Variants in USP10 observed in about 807,000 individuals in gnomAD.
The protein encoded by USP10 is ubiquitin specific peptidase 10.
Under a neutral mutation model 84.5 loss-of-function variants are expected in USP10, and 22 were observed. The ratio of observed to expected loss-of-function variants is 0.26; its 90% CI spans 0.19 to 0.37. The LOEUF (loss-of-function observed/expected upper bound fraction) is 0.37. USP10 is among the 10% of genes least tolerant of loss of function. The probability of loss-of-function intolerance (pLI) is 1.00; values close to 1 mark genes in which losing one functional copy is unlikely to be tolerated. For missense variants in USP10, 1,019 were observed against 998.9 expected, an observed-to-expected ratio of 1.02 and a Z score of -0.27; for synonymous variants, 454 against 387.6, an observed-to-expected ratio of 1.17 and a Z score of -2.01.
chr16:84,725,879 T>G (rs890248116), intron 1 of USP10, among the ~76,000 whole-genome samples: 5 of 152,206 alleles, frequency 3.3e-5, no homozygotes, highest in African/African-American at 1.2e-4. Context: ...TTCCCCAAAT[T>G]GAGCTTATTT....
intron 4 of USP10, among the ~76,000 whole-genome samples, chr16:84,757,366 A>C (rs1002774396): frequency 6.7e-6 from 1 of 148,262 alleles, no homozygotes; most frequent in African/African-American, 2.5e-5. Context: ...GGAAGAGGAC[A>C]TTTATTCATA....
chr16:84,708,227 A>G (rs369053957), intron 1 of USP10, among the ~76,000 whole-genome samples: 1 of 152,186 alleles, frequency 6.6e-6, no homozygotes, highest in Non-Finnish European at 1.5e-5. Flanking sequence ...AGGTGGGTGG[A>G]TCACCTGAGG....
chr16:84,759,310 A>G, intron 5 of USP10, 53 bp from the exon 6 acceptor site: 2 of 1,533,646 alleles, frequency 1.3e-6, no homozygotes, highest in Non-Finnish European at 1.8e-6. Context: ...TGCCTTCAGG[A>G]AATGTGGTGT....
At position 84,753,609 on chromosome 16, in the gene USP10, C is replaced by G. The variant is rs1307805528; in HGVS notation, c.1193-5107C>G. Reference sequence around the variant, plus strand: ...GAAGTGGCAGAGCCAGGGCGCGAACCCCCGTCTTCCTGGTTTGTGTGCCTG... The same window carrying G: ...GAAGTGGCAGAGCCAGGGCGCGAACGCCCGTCTTCCTGGTTTGTGTGCCTG... On this transcript the variant is annotated intron_variant, in intron 4 of 13. Coordinates refer to ENST00000219473, the MANE Select transcript of USP10 (RefSeq NM_005153.3). 3.9e-5 allele frequency among the ~76,000 whole-genome samples: 6 copies of G among 152,166 alleles called. No homozygotes were observed. The East Asian group carries it at 1.2e-3, about 29-fold the overall frequency.
At chr16:84,776,223 G>A (rs1256057745) in intron 13 of USP10, among the ~76,000 whole-genome samples, 1 of 152,184 alleles carries the variant, frequency 6.6e-6, no homozygotes, top group Non-Finnish European at 1.5e-5. Context: ...TCAAGCTCCT[G>A]TCCACCTCAG....
intron 1 of USP10, among the ~76,000 whole-genome samples, chr16:84,711,601 C>G (rs188588956): frequency 9.1e-4 from 138 of 152,136 alleles, no homozygotes; most frequent in African/African-American, 3.1e-3. Context: ...GCTTGGTTCT[C>G]TGTTGCTTCT....
chr16:84,705,183 G>A (rs1226540153), intron 1 of USP10, among the ~76,000 whole-genome samples: 2 of 151,932 alleles, frequency 1.3e-5, no homozygotes, highest in Non-Finnish European at 2.9e-5. Context: ...TGAAGTGAGA[G>A]TATCCCTAAT....
intron 1 of USP10, among the ~76,000 whole-genome samples, chr16:84,706,566 A>G (rs1450204818): frequency 6.7e-6 from 1 of 150,196 alleles, no homozygotes; most frequent in Admixed American, 6.7e-5. Flanking sequence ...TTTGAGACGA[A>G]GTCTTCCTCT....
At chr16:84,744,602 G>T (rs898879026) in intron 3 of USP10, 31 bp from the exon 4 acceptor site, 3 of 1,553,308 alleles carry the variant, frequency 1.9e-6, no homozygotes, top group African/African-American at 2.8e-5. Context: ...GTAGAACTGG[G>T]TTCTTAACTA....
chr16:84,777,941 G>A (rs1179230927), intron 13 of USP10, among the ~76,000 whole-genome samples: 5 of 152,216 alleles, frequency 3.3e-5, no homozygotes, highest in Non-Finnish European at 5.9e-5. Context: ...TCTGCTGCTG[G>A]CCAGGCAGAC....
intron 7 of USP10, 47 bp from the exon 8 acceptor site, chr16:84,760,125 A>T: frequency 6.4e-7 from 1 of 1,564,082 alleles, no homozygotes; most frequent in Non-Finnish European, 8.7e-7. Flanking sequence ...TTCATCATTT[A>T]TGAGTTCATT....
At chr16:84,733,855 A>G (rs570232908) in intron 2 of USP10, among the ~76,000 whole-genome samples, 5 of 152,082 alleles carry the variant, frequency 3.3e-5, no homozygotes, top group East Asian at 1.9e-4. Context: ...ACCATAGTCA[A>G]TCGTAGTGTT....
At chr16:84,740,174 G>T in intron 2 of USP10, 135 bp from the exon 3 acceptor site, 1 of 683,362 alleles carries the variant, frequency 1.5e-6, no homozygotes, top group Non-Finnish European at 2.5e-6. Context: ...CTTCATGTAT[G>T]TTATTCTGCT....
At chr16:84,759,227 T>A (rs1412817169) in intron 5 of USP10, 136 bp from the exon 6 acceptor site, 1 of 765,360 alleles carries the variant, frequency 1.3e-6, no homozygotes, top group Non-Finnish European at 2.2e-6. Context: ...TTATTCCTTT[T>A]CGTGGTGACA....
At chr16:84,744,512 A>G (rs2150821471) in intron 3 of USP10, 121 bp from the exon 4 acceptor site, 3 of 876,966 alleles carry the variant, frequency 3.4e-6, no homozygotes, top group South Asian at 4.0e-5. Context: ...TAAAGGACGT[A>G]ATAGATTTGT....
chr16:84,733,205 C>G, intron 1 of USP10: 4 of 592,200 alleles, frequency 6.8e-6, no homozygotes, highest in Non-Finnish European at 9.3e-6. Flanking sequence ...TCAAAATAAG[C>G]TTTATCAGTT....
chr16:84,722,504 T>C (rs930435369), intron 1 of USP10, among the ~76,000 whole-genome samples: 2 of 152,248 alleles, frequency 1.3e-5, no homozygotes, highest in Admixed American at 1.3e-4. Context: ...TGCCGTTTTC[T>C]ATCTGCACCA....
chr16:84,764,075 C>T lies in USP10; in HGVS notation c.1655-11C>T. On this transcript the variant is annotated splice_polypyrimidine_tract_variant and intron_variant, in intron 9 of 13. Coordinates refer to ENST00000219473, the MANE Select transcript of USP10 (RefSeq NM_005153.3). ...GTAAATAGTAGTGTAAGCAGATGCTCTCCTTTTCAGAACTTACGATTTCCA... is the reference window on the plus strand; with the variant it reads ...GTAAATAGTAGTGTAAGCAGATGCTTTCCTTTTCAGAACTTACGATTTCCA... 3.1e-6 allele frequency: 5 copies of T among 1,609,518 alleles called. No homozygotes were observed. Among genetic ancestry groups the T allele is most frequent in the African/African-American group, 1.3e-5 (1 of 74,604 alleles).
chr16:84,758,330 G>T (rs1912823449), intron 4 of USP10, among the ~76,000 whole-genome samples: 1 of 152,142 alleles, frequency 6.6e-6, no homozygotes, highest in Non-Finnish European at 1.5e-5. Flanking sequence ...AGTGTCTGAG[G>T]CGCCTTGCTG....
Sources: allele counts gnomAD v4.1 joint callset (sites outside exome capture counted in the v4.1 genomes callset), GRCh38; gene constraint gnomAD v4.1.1; transcripts MANE v1.5; gene names NCBI Gene and HGNC (gene_info 2026-07-23, HGNC 2026-07-21).